Variants in PRKDC observed in about 807,000 individuals in gnomAD.
PRKDC encodes protein kinase, DNA-activated, catalytic subunit, also known as DNA-dependent protein kinase catalytic subunit.
In PRKDC, 82 loss-of-function variants were observed where a neutral mutation model predicts 486.9. That is an observed-to-expected ratio of 0.17 (90% CI 0.14 to 0.20). The LOEUF is 0.20. PRKDC is among the 10% of genes least tolerant of loss of function. The pLI is 1.00. For synonymous variants in PRKDC, 1,895 were observed against 1,837.0 expected (o/e 1.03, Z -0.81); for missense variants, 4,504 against 5,038.2 (o/e 0.89, Z 3.21).
chr8:47,936,482 G>A lies in PRKDC; in HGVS notation c.1149C>T (p.Phe383=), dbSNP rs1343557495. 1 of 1,613,908 alleles carries A rather than the reference G, an allele frequency of 6.2e-7. No individual in the cohort carries two copies. Among genetic ancestry groups the A allele is most frequent in the African/African-American group, 1.3e-5 (1 of 74,926 alleles). The stretch of plus-strand genomic sequence containing the variant: ...AGCGCTGAATGAGCTCAACGTACAT[G>A]AAGTCAACATCTTTTGCGTTTATAA... ...CKVINAKDVD[F]MYVELIQRCK... The change falls in exon 12 of 86, where the codon TTC becomes TTT. Residue 383 remains phenylalanine, a synonymous_variant. Transcript: ENST00000314191.
At chr8:47,947,531 G>T (rs1452237100) in intron 7 of PRKDC, among the ~76,000 whole-genome samples, 1 of 152,208 alleles carries the variant, frequency 6.6e-6, no homozygotes, top group South Asian at 2.1e-4. Flanking sequence ...CCTTTGGGAG[G>T]GTAAGGCGGG....
rs768314532 is a variant in PRKDC at position 47,886,140 on chromosome 8, C to T, written c.4580G>A (p.Arg1527His). ...TGGGTTCAGGAGAAGACTCACAAGG[C>T]GCTCACACTGGGAAAAAGAAAGGAG... ...LAFAFGGLCE[R>H]LVSLLLNPAV... Residue 1527 changes from arginine (R) to histidine (H), a missense_variant, in exon 36 of 86, where the codon CGC (arginine) becomes CAC (histidine). Arg to His is a conservative substitution (Grantham distance 29). Coordinates refer to ENST00000314191, the MANE Select transcript of PRKDC (RefSeq NM_006904.7). The T allele has an allele frequency of 1.9e-5, 31 of 1,591,558 alleles. No homozygotes were observed. The highest frequency in any genetic ancestry group is 1.1e-4 in the Admixed American group (6 of 55,500).
chr8:47,930,836 T>C, intron 16 of PRKDC, 49 bp from the exon 17 acceptor site: 1 of 1,487,116 alleles, frequency 6.7e-7, no homozygotes. Flanking sequence ...CAATCACGAA[T>C]CACTCAACAA....
At chr8:47,821,371 C>T (rs1207710414) in intron 65 of PRKDC, among the ~76,000 whole-genome samples, 2 of 152,042 alleles carry the variant, frequency 1.3e-5, no homozygotes, top group South Asian at 2.1e-4. Context: ...TGTAGTCATA[C>T]TAGGAATGTT....
intron 70 of PRKDC, among the ~76,000 whole-genome samples, chr8:47,802,406 A>AC (rs1258389278): frequency 6.6e-6 from 1 of 151,882 alleles, no homozygotes; most frequent in East Asian, 1.9e-4. Context: ...GGGGGACCAA[A>AC]CCCAAACCTG....
chr8:47,886,265 G>A lies in PRKDC; in HGVS notation c.4573-118C>T, dbSNP rs533096892. The A allele has an allele frequency of 8.6e-6, 6 of 693,904 alleles. No individual in the cohort carries two copies. In the Admixed American group the frequency reaches 2.1e-4, roughly 24 times the overall value. 43.0% of individuals were successfully genotyped at this position (693,904 alleles called of 1,614,324 possible). The stretch of plus-strand genomic sequence containing the variant: ...AATGACACAGGTCTAAAAAGAGCCT[G>A]ATATGTGAAGCCTGGATTCAAGCTG... On this transcript the variant is annotated intron_variant, in intron 35 of 85. Transcript: ENST00000314191.
At chr8:47,779,174 CA>C (rs766313574) in intron 80 of PRKDC, 81 bp from the exon 81 acceptor site, 630 of 1,044,584 alleles carry the variant, frequency 6.0e-4, no homozygotes, top group Non-Finnish European at 8.1e-4. Flanking sequence ...ACCAAGAATT[CA>C]TTGAAAAATA....
At chr8:47,891,429 A>T (rs1309363272) in intron 31 of PRKDC, among the ~76,000 whole-genome samples, 1 of 152,156 alleles carries the variant, frequency 6.6e-6, no homozygotes, top group Non-Finnish European at 1.5e-5. Context: ...TTATATTAAG[A>T]ATTATTCTCA....
At chr8:47,777,598 AATGCACTTCC>A in intron 84 of PRKDC, 78 bp downstream of exon 84, 1 of 1,255,690 alleles carries the variant, frequency 8.0e-7, no homozygotes, top group Non-Finnish European at 1.1e-6. Flanking sequence ...AACATGACTC[AATGCACTTCC>A]ATCATACACG....
At chr8:47,875,221 G>A (rs79008042) in intron 40 of PRKDC, among the ~76,000 whole-genome samples, 1,902 of 152,254 alleles carry the variant, frequency 0.012, 47 homozygotes, top group African/African-American at 0.043. Flanking sequence ...TGCTTAAGTT[G>A]CTGAATTTGC....
Position 47,860,976 on chromosome 8 carries a change from T to G in PRKDC, c.5986-5A>C, listed in dbSNP as rs776580122. ...TTTCTTTCTTTCCATAGGAACCTAT[T>G]GGGAAGAACAAATAAACAATGTAAA... On this transcript the variant is annotated splice_region_variant and splice_polypyrimidine_tract_variant and intron_variant, in intron 44 of 85. Coordinates refer to ENST00000314191, the MANE Select transcript of PRKDC (RefSeq NM_006904.7). The G allele has an allele frequency of 1.9e-5, 30 of 1,577,318 alleles. No homozygotes were observed. Among genetic ancestry groups the G allele is most frequent in the Non-Finnish European group, 2.3e-5 (27 of 1,156,682 alleles).
rs763013440 is a variant in PRKDC, at chr8:47,900,394, G to T, written c.3343C>A (p.His1115Asn). The T allele has an allele frequency of 1.9e-6, 3 of 1,610,316 alleles. No homozygotes were observed. Among genetic ancestry groups the T allele is most frequent in the Non-Finnish European group, 2.5e-6 (3 of 1,178,492 alleles). The change falls in exon 28 of 86, where the codon CAT becomes AAT. Residue 1115 changes from histidine (H) to asparagine (N), a missense_variant. Transcript: ENST00000314191. ...GTACCTAAGGACTTCTCATCTGCAT[G>T]TGCTAAGGCCAGACTCTCCATGTAT... ...VIYMESLALAHADEKSLGTIQ... is the reference protein window; with the variant it reads ...VIYMESLALANADEKSLGTIQ...
chr8:47,938,589 A>G (rs2154503902), intron 11 of PRKDC, among the ~76,000 whole-genome samples: 1 of 152,216 alleles, frequency 6.6e-6, no homozygotes, highest in South Asian at 2.1e-4. Flanking sequence ...TTTAAGAGAT[A>G]GTGTCTCTGT....
intron 21 of PRKDC, among the ~76,000 whole-genome samples, chr8:47,919,664 T>C (rs558074053): frequency 6.6e-6 from 1 of 152,088 alleles, no homozygotes; most frequent in East Asian, 1.9e-4. Context: ...TTCTATAAGA[T>C]GTTAAAGAGT....
chr8:47,781,604 C>T (rs1347281879), intron 80 of PRKDC, among the ~76,000 whole-genome samples: 1 of 152,044 alleles, frequency 6.6e-6, no homozygotes, highest in African/African-American at 2.4e-5. Flanking sequence ...ATAAAAAAAA[C>T]CTTGTGGTTA....
chr8:47,912,298 A>T, intron 25 of PRKDC, 112 bp downstream of exon 25: 1 of 1,214,878 alleles, frequency 8.2e-7, no homozygotes, highest in Non-Finnish European at 1.1e-6. Context: ...GCAGTCAGGG[A>T]GCAGTATCGT....
At chr8:47,785,426 T>C in intron 76 of PRKDC, 109 bp from the exon 77 acceptor site, 1 of 896,316 alleles carries the variant, frequency 1.1e-6, no homozygotes, top group Non-Finnish European at 1.7e-6. Context: ...ATATGTTTCT[T>C]CTCTGCTTTT....
chr8:47,846,731 G>A (rs1237044289), intron 54 of PRKDC, among the ~76,000 whole-genome samples: 1 of 152,078 alleles, frequency 6.6e-6, no homozygotes, highest in Non-Finnish European at 1.5e-5. Flanking sequence ...CTTCTCTGAT[G>A]GTATGATTCT....
At chr8:47,791,085 C>G (rs1213644040) in intron 74 of PRKDC, among the ~76,000 whole-genome samples, 1 of 152,114 alleles carries the variant, frequency 6.6e-6, no homozygotes, top group African/African-American at 2.4e-5. Context: ...CACATCAAGT[C>G]AAAAAGCTTC....
Sources: allele counts gnomAD v4.1 joint callset (sites outside exome capture counted in the v4.1 genomes callset), GRCh38; gene constraint gnomAD v4.1.1; transcripts MANE v1.5; gene names NCBI Gene and HGNC (gene_info 2026-07-23, HGNC 2026-07-21).